NFATC3: variants seen among roughly 807,000 people sequenced by gnomAD.
NFATC3 encodes nuclear factor of activated T-cells, cytoplasmic 3.
A neutral mutation model predicts 98.6 loss-of-function variants in NFATC3; 46 were observed. The observed-to-expected ratio is 0.47, with a 90% CI of 0.37 to 0.60. The LOEUF is 0.60. Among genes scored for constraint, NFATC3 ranks in the 20% least tolerant of loss-of-function variants. The probability of loss-of-function intolerance (pLI) is 0.00; values close to 1 mark genes in which losing one functional copy is unlikely to be tolerated. For missense variants in NFATC3, 1,256 were observed against 1,295.5 expected (o/e 0.97, Z 0.47); for synonymous variants, 512 against 472.2 (o/e 1.08, Z -1.09).
At chr16:68,092,535 G>A (rs2034777961) in intron 1 of NFATC3, among the ~76,000 whole-genome samples, 1 of 119,914 alleles carries the variant, frequency 8.3e-6, no homozygotes, top group South Asian at 2.9e-4. Flanking sequence ...GCTGAGGCAG[G>A]CGGATCACGA....
intron 1 of NFATC3, among the ~76,000 whole-genome samples, chr16:68,102,374 G>GA (rs71268472): frequency 0.31 from 9,630 of 30,850 alleles, 2,654 homozygotes; most frequent in Non-Finnish European, 0.42. Flanking sequence ...TCCATCTCAG[G>GA]AAAAAAAAAA....
At chr16:68,204,766 C>G (rs1328482032) in intron 9 of NFATC3, among the ~76,000 whole-genome samples, 1 of 152,120 alleles carries the variant, frequency 6.6e-6, no homozygotes, top group African/African-American at 2.4e-5. Flanking sequence ...AATTGATATC[C>G]TTTTTTTGAG....
intron 8 of NFATC3, among the ~76,000 whole-genome samples, chr16:68,187,690 C>T (rs539102018): frequency 3.9e-5 from 6 of 152,300 alleles, no homozygotes; most frequent in African/African-American, 1.4e-4. Flanking sequence ...CTCTCCACAG[C>T]TGGTCATCCT....
chr16:68,132,073 C>T (rs1346461402), intron 3 of NFATC3, among the ~76,000 whole-genome samples: 1 of 152,108 alleles, frequency 6.6e-6, no homozygotes, highest in Non-Finnish European at 1.5e-5. Flanking sequence ...CTCATGTGTA[C>T]TGCTTATTTT....
At chr16:68,191,849 G>T in intron 9 of NFATC3, 74 bp downstream of exon 9, 1 of 1,506,714 alleles carries the variant, frequency 6.6e-7, no homozygotes, top group South Asian at 1.2e-5. Context: ...TCATGAAAAA[G>T]TTTCTATGGA....
intron 5 of NFATC3, among the ~76,000 whole-genome samples, chr16:68,171,810 T>C (rs2039475405): frequency 6.6e-6 from 1 of 151,274 alleles, no homozygotes; most frequent in African/African-American, 2.4e-5. Context: ...TTTTTTATGA[T>C]GGAGTCTCGC....
chr16:68,112,645 C>CTTTTTTTTTTTTTTTTTTTTTT (rs1567503218), intron 1 of NFATC3, among the ~76,000 whole-genome samples: 4 of 119,238 alleles, frequency 3.4e-5, no homozygotes, highest in African/African-American at 6.7e-5. Context: ...TTTTCTTTTT[C>CTTTTTTTTTTTTTTTTTTTTTT]GTTTTTTTTT....
chr16:68,174,655 C>T (rs755429884), intron 6 of NFATC3, 141 bp downstream of exon 6: 5 of 625,990 alleles, frequency 8.0e-6, no homozygotes, highest in African/African-American at 1.9e-5. Context: ...TATTTTAAAC[C>T]AAACATTTAT....
intron 1 of NFATC3, among the ~76,000 whole-genome samples, chr16:68,120,291 A>G (rs1310360645): frequency 2.7e-5 from 4 of 147,562 alleles, no homozygotes; most frequent in Non-Finnish European, 6.0e-5. Context: ...AAAAAAAAAA[A>G]AAAAGTCCGG....
At chr16:68,136,129 TA>T (rs1434000367) in intron 3 of NFATC3, among the ~76,000 whole-genome samples, 1 of 152,190 alleles carries the variant, frequency 6.6e-6, no homozygotes, top group East Asian at 1.9e-4. Context: ...AACATTTGTC[TA>T]AAAAGTGCTT....
chr16:68,108,436 G>T (rs1252507173), intron 1 of NFATC3, among the ~76,000 whole-genome samples: 1 of 152,060 alleles, frequency 6.6e-6, no homozygotes, highest in Non-Finnish European at 1.5e-5. Flanking sequence ...ATTGGTCTTT[G>T]TGTCTGTTTT....
In NFATC3 at chr16:68,226,391, TC is replaced by T. The variant is rs1370638035; in HGVS notation, c.3151del (p.Gln1051LysfsTer5). The T allele has an allele frequency of 1.3e-6, 2 of 1,568,650 alleles. No homozygotes were observed. Among genetic ancestry groups the T allele is most frequent in the East Asian group, 4.9e-5 (2 of 40,700 alleles). On this transcript the variant is annotated frameshift_variant, in exon 10 of 10. Transcript: ENST00000346183. LOFTEE classifies it high-confidence loss of function. ...GAGAGACATGTCCCAGATTTCTGTT[TC>T]CCAAGGAGCAGGGGTGAGCAGGCAG... ...IGRDMSQISV[S>X]QGAGVSRQAP...
At chr16:68,130,306 C>T (rs1023875815) in intron 3 of NFATC3, among the ~76,000 whole-genome samples, 4 of 152,098 alleles carry the variant, frequency 2.6e-5, no homozygotes, top group Admixed American at 6.6e-5. Context: ...TTATCCCAGC[C>T]AGAATTTTCC....
At chr16:68,182,530 A>C (rs1275763200) in intron 7 of NFATC3, among the ~76,000 whole-genome samples, 1 of 151,944 alleles carries the variant, frequency 6.6e-6, no homozygotes, top group African/African-American at 2.4e-5. Context: ...ATTTTTATTT[A>C]TTTATTTTTA....
intron 6 of NFATC3, among the ~76,000 whole-genome samples, chr16:68,175,604 G>C (rs1567534243): frequency 6.6e-6 from 1 of 151,832 alleles, no homozygotes; most frequent in African/African-American, 2.4e-5. Flanking sequence ...CTGTTGGCTA[G>C]GCTGGAGTGC....
chr16:68,164,919 A>G (rs1260939098), intron 4 of NFATC3, among the ~76,000 whole-genome samples: 1 of 152,214 alleles, frequency 6.6e-6, no homozygotes, highest in Non-Finnish European at 1.5e-5. Flanking sequence ...AAATAAATGT[A>G]GTTTTAAAGA....
chr16:68,102,710 C>T (rs913229369), intron 1 of NFATC3, among the ~76,000 whole-genome samples: 18 of 152,148 alleles, frequency 1.2e-4, no homozygotes, highest in African/African-American at 4.1e-4. Flanking sequence ...ACCTGACTAC[C>T]TACAAATGTA....
intron 9 of NFATC3, among the ~76,000 whole-genome samples, chr16:68,217,130 A>G (rs1210801820): frequency 6.6e-6 from 1 of 152,118 alleles, no homozygotes; most frequent in African/African-American, 2.4e-5. Flanking sequence ...TAAGGTAAAA[A>G]GAAGAAAAAA....
chr16:68,106,952 C>A (rs939870640), intron 1 of NFATC3, among the ~76,000 whole-genome samples: 2 of 151,956 alleles, frequency 1.3e-5, no homozygotes, highest in African/African-American at 4.8e-5. Context: ...GTGTGTTGTT[C>A]CCCTCCCTGT....
Sources: gnomAD v4.1 joint callset for allele counts (sites outside exome capture counted in the v4.1 genomes callset) on GRCh38, gnomAD v4.1.1 for gene constraint, MANE v1.5 for transcripts, NCBI Gene and HGNC (gene_info 2026-07-23, HGNC 2026-07-21) for gene names.